Variants in ZNF700 observed in about 807,000 individuals in gnomAD.
ZNF700 encodes zinc finger protein 700.
Under a neutral mutation model 65.3 loss-of-function variants are expected in ZNF700, and 38 were observed. The observed-to-expected ratio is 0.58, with a 90% CI of 0.45 to 0.76. ZNF700 has a LOEUF of 0.76. Ranked by LOEUF, ZNF700 falls within the 30% of genes least tolerant of loss-of-function variation. The probability of loss-of-function intolerance (pLI) is 0.00; values close to 1 mark genes in which losing one functional copy is unlikely to be tolerated. For synonymous variants in ZNF700, 285 were observed against 290.4 expected, an observed-to-expected ratio of 0.98 and a Z score of 0.19; for missense variants, 857 against 888.4, an observed-to-expected ratio of 0.96 and a Z score of 0.45.
Position 11,950,399 on chromosome 19 carries a change from A to G in ZNF700, c.*146A>G. 1.2e-6 allele frequency: 1 copy of G among 865,058 alleles called. No homozygotes were observed. 53.6% of individuals were successfully genotyped at this position (865,058 alleles called of 1,614,324 possible). On this transcript the variant is annotated 3_prime_UTR_variant, in exon 4 of 4. Coordinates refer to ENST00000254321, the MANE Select transcript of ZNF700 (RefSeq NM_144566.3). ...GGGGAGAAACCCTATCAATGTAAGC[A>G]GTGTGGGAAAGCCTTCATTCCTTTT... is the stretch of plus-strand genomic sequence containing the variant.
rs1303835017 is a variant in ZNF700 at position 11,946,578 on chromosome 19, C to A, written c.64-603C>A. ...CTGTGTACAGGAACTTGTCTGGATACCCTGGCTTACAGGTAATCTTGTGCC... is the reference window on the plus strand; with the variant it reads ...CTGTGTACAGGAACTTGTCTGGATAACCTGGCTTACAGGTAATCTTGTGCC... On this transcript the variant is annotated intron_variant, in intron 1 of 3. Coordinates refer to ENST00000254321, the MANE Select transcript of ZNF700 (RefSeq NM_144566.3). 2.6e-5 allele frequency among the ~76,000 whole-genome samples: 4 copies of A among 152,138 alleles called. No homozygotes were observed. In the South Asian group the frequency reaches 8.3e-4, roughly 32 times the overall value.
At chr19:11,936,123 T>G (rs1266697665) in intron 1 of ZNF700, among the ~76,000 whole-genome samples, 2 of 152,176 alleles carry the variant, frequency 1.3e-5, no homozygotes, top group Admixed American at 1.3e-4. Flanking sequence ...GACATTTGGG[T>G]TGGTTCCAAG....
chr19:11,940,277 G>A (rs532821531), intron 1 of ZNF700, among the ~76,000 whole-genome samples: 7 of 152,266 alleles, frequency 4.6e-5, no homozygotes, highest in East Asian at 1.9e-4. Context: ...TATTGTGTCC[G>A]GAATTGGTGG....
intron 1 of ZNF700, among the ~76,000 whole-genome samples, chr19:11,937,852 A>T (rs1022259775): frequency 4.6e-5 from 7 of 151,936 alleles, no homozygotes; most frequent in Admixed American, 3.3e-4. Context: ...TGTATAGTTC[A>T]TTGAGTGTTT....
Position 11,949,325 on chromosome 19 carries a change from G to A in ZNF700, c.1301G>A (p.Arg434Gln), listed in dbSNP as rs150009671. The A allele has an allele frequency of 9.1e-5, 147 of 1,613,150 alleles. No homozygotes were observed. Among genetic ancestry groups the A allele is most frequent in the African/African-American group, 3.5e-4 (26 of 74,690 alleles). Residue 434 changes from arginine (R) to glutamine (Q), a missense_variant, in exon 4 of 4, where the codon CGA becomes CAA. This residue lies in a region of ZNF700 where 603 missense variants were observed against 619.9 expected (regional missense o/e 0.97). Transcript: ENST00000254321. ...GCCTTCAGATCTGCCTCACAGCTTCGAGTGCACGGTGGGACTCACACTGGA... is the reference window on the plus strand; with the variant it reads ...GCCTTCAGATCTGCCTCACAGCTTCAAGTGCACGGTGGGACTCACACTGGA... ...GKAFRSASQL[R>Q]VHGGTHTGEK...
chr19:11,938,584 A>C (rs1280376286), intron 1 of ZNF700, among the ~76,000 whole-genome samples: 6 of 152,184 alleles, frequency 3.9e-5, no homozygotes. Flanking sequence ...TTGTGGCTGC[A>C]TAGTATTCCA....
chr19:11,934,876 T>C (rs1035143058), intron 1 of ZNF700, among the ~76,000 whole-genome samples: 1 of 147,708 alleles, frequency 6.8e-6, no homozygotes, highest in Non-Finnish European at 1.5e-5. Context: ...TCCTGTCATA[T>C]GTTTGCCATA....
intron 1 of ZNF700, among the ~76,000 whole-genome samples, chr19:11,927,788 C>T (rs977185731): frequency 2.0e-5 from 3 of 152,178 alleles, no homozygotes; most frequent in Admixed American, 6.5e-5. Flanking sequence ...TTGCAGGCAT[C>T]TTCAGGCTGT....
chr19:11,935,806 C>T (rs763843255), intron 1 of ZNF700, among the ~76,000 whole-genome samples: 58 of 152,140 alleles, frequency 3.8e-4, no homozygotes, highest in Non-Finnish European at 7.6e-4. Context: ...TTGTTGCACC[C>T]ATCAACTTGT....
chr19:11,938,376 C>T (rs1972829719), intron 1 of ZNF700, among the ~76,000 whole-genome samples: 3 of 152,012 alleles, frequency 2.0e-5, no homozygotes, highest in Admixed American at 1.3e-4. Context: ...TTATGCTATC[C>T]CTCTCCCTTC....
intron 1 of ZNF700, among the ~76,000 whole-genome samples, chr19:11,927,434 A>G (rs1460694042): frequency 1.4e-5 from 2 of 145,886 alleles, no homozygotes; most frequent in African/African-American, 2.7e-5. Flanking sequence ...AAATAAATAA[A>G]TAAATAAATA....
intron 1 of ZNF700, among the ~76,000 whole-genome samples, chr19:11,946,330 C>T (rs1256029088): frequency 1.3e-5 from 2 of 152,048 alleles, no homozygotes; most frequent in African/African-American, 4.8e-5. Flanking sequence ...GCTGTGGGCT[C>T]AGGAGTGGGG....
At position 11,925,114 on chromosome 19, in the gene ZNF700, T is replaced by A; in HGVS notation, c.-97T>A. On this transcript the variant is annotated 5_prime_UTR_variant, in exon 1 of 4. Coordinates refer to ENST00000254321, the MANE Select transcript of ZNF700 (RefSeq NM_144566.3). ...AATGGAGGGGGTCGCTTTCCTCACC[T>A]TCCTCGCTGCGCGGGCGGCGGTTGG... 1 of 1,456,066 alleles carries A rather than the reference T, an allele frequency of 6.9e-7. No individual in the cohort carries two copies. The highest frequency in any genetic ancestry group is 1.4e-5 in the African/African-American group (1 of 70,608). 90.2% of individuals were successfully genotyped at this position (1,456,066 alleles called of 1,614,324 possible). A position where few individuals can be genotyped will look rare whatever the true frequency, so the allele number is the denominator to read the frequency against.
chr19:11,947,356 T>G (rs1249088183), intron 2 of ZNF700, 49 bp downstream of exon 2: 2 of 1,611,616 alleles, frequency 1.2e-6, no homozygotes, highest in East Asian at 4.5e-5. Flanking sequence ...AACCAGTGTT[T>G]CTAGCTCATG....
At chr19:11,940,990 G>C (rs1415649215) in intron 1 of ZNF700, among the ~76,000 whole-genome samples, 4 of 151,942 alleles carry the variant, frequency 2.6e-5, no homozygotes, top group African/African-American at 9.7e-5. Context: ...GATACAGAGT[G>C]CCGATTGGTG....
rs1972604481 is a variant in ZNF700 at position 11,925,180 on chromosome 19, C to G, written c.-31C>G. 2.5e-6 allele frequency: 4 copies of G among 1,609,650 alleles called. No individual in the cohort carries two copies. The highest frequency in any genetic ancestry group is 1.3e-5 in the African/African-American group (1 of 74,772). ...GCCCGAGAGGGACCTGGTGCCTGTACCCAGGCTTCTGTCGCTCTGTCGCCT... is the reference window on the plus strand; with the variant it reads ...GCCCGAGAGGGACCTGGTGCCTGTAGCCAGGCTTCTGTCGCTCTGTCGCCT... On this transcript the variant is annotated 5_prime_UTR_variant, in exon 1 of 4. Coordinates refer to ENST00000254321, the MANE Select transcript of ZNF700 (RefSeq NM_144566.3).
In ZNF700 at chr19:11,949,114, T is replaced by C. The variant is rs377638715; in HGVS notation, c.1090T>C (p.Cys364Arg). Residue 364 changes from cysteine to arginine, a missense_variant, in exon 4 of 4, where the codon TGT (cysteine) becomes CGT (arginine). Around this residue, in one of 3 missense-constraint regions of ZNF700, gnomAD observed 603 missense variants for 619.9 expected, o/e 0.97. Transcript: ENST00000254321. ...GAACTCTGGAGAAAGACCTTATAAA[T>C]GTAAGATATGTGGGAAAGGCTTTTA... Reference protein sequence around the residue: ...RMNSGERPYKCKICGKGFYSA... With the variant: ...RMNSGERPYKRKICGKGFYSA... The C allele has an allele frequency of 3.1e-6, 5 of 1,612,222 alleles. No homozygotes were observed. The African/African-American group carries it at 6.7e-5, about 22-fold the overall frequency.
intron 1 of ZNF700, among the ~76,000 whole-genome samples, chr19:11,941,924 A>G (rs538475681): frequency 9.9e-5 from 15 of 152,278 alleles, no homozygotes; most frequent in African/African-American, 2.9e-4. Flanking sequence ...GGGTGGCTGC[A>G]TTGCTCATTA....
At position 11,949,104 on chromosome 19, in the gene ZNF700, A is replaced by C. The variant is rs778700131; in HGVS notation, c.1080A>C (p.Arg360Ser). 4 of 1,612,156 alleles carry C rather than the reference A, an allele frequency of 2.5e-6. No individual in the cohort carries two copies. The highest frequency in any genetic ancestry group is 3.4e-6 in the Non-Finnish European group (4 of 1,179,606). Residue 360 changes from arginine to serine, a missense_variant, in exon 4 of 4, where the codon AGA becomes AGC. This residue lies in a region of ZNF700 where 603 missense variants were observed against 619.9 expected (regional missense o/e 0.97). Coordinates refer to ENST00000254321, the MANE Select transcript of ZNF700 (RefSeq NM_144566.3). ...ACATAAGAATGAACTCTGGAGAAAG[A>C]CCTTATAAATGTAAGATATGTGGGA... ...QTHIRMNSGE[R>S]PYKCKICGKG...
Sources: allele counts gnomAD v4.1 joint callset (sites outside exome capture counted in the v4.1 genomes callset), GRCh38; gene constraint gnomAD v4.1.1; regional missense constraint gnomAD v4.1.1; transcripts MANE v1.5; gene names NCBI Gene and HGNC (gene_info 2026-07-23, HGNC 2026-07-21).